Variants in ADCY3 observed in about 807,000 individuals in gnomAD.
ADCY3 encodes adenylate cyclase 3, also known as adenylate cyclase type 3.
ADCY3 carries 70 observed loss-of-function variants against 119.4 expected under a neutral mutation model. That is an observed-to-expected ratio of 0.59 (90% CI 0.48 to 0.72). The LOEUF is 0.72. ADCY3 is among the 30% of genes least tolerant of loss of function. ADCY3 has a pLI of 0.00. For synonymous variants in ADCY3, 672 were observed against 621.4 expected (o/e 1.08, Z -1.21); for missense variants, 1,238 against 1,541.6 (o/e 0.80, Z 3.30).
In ADCY3 at chr2:24,820,010, CAAG is replaced by C. The variant is rs750852737; in HGVS notation, c.3354_3356del (p.Phe1118del). 1.4e-5 allele frequency: 22 copies of C among 1,612,542 alleles called. No homozygotes were observed. The highest frequency in any genetic ancestry group is 2.2e-5 in the South Asian group (2 of 90,978). ...AGGTGGCTAGCTTATCCCGCCCCTTCAAGAAGAAGGTCAGCAGCTCCCCCTTCC... is the reference window on the plus strand; with the variant it reads ...AGGTGGCTAGCTTATCCCGCCCCTTCAAGAAGGTCAGCAGCTCCCCCTTCC... On this transcript the variant is annotated inframe_deletion, in exon 22 of 22. Transcript: ENST00000679454.
Position 24,826,490 on chromosome 2 carries a change from C to T in ADCY3, c.2496-364G>A, listed in dbSNP as rs111681525. The stretch of plus-strand genomic sequence containing the variant: ...GTGATGGGATTTCATAGCCATGGGA[C>T]TGGGGTACAATCTCACCATGGCTTT... On this transcript the variant is annotated intron_variant, in intron 15 of 21. Coordinates refer to ENST00000679454, the MANE Select transcript of ADCY3 (RefSeq NM_004036.5). 763 of 205,436 alleles carry T rather than the reference C, an allele frequency of 3.7e-3. 7 individuals are homozygous for T. Among genetic ancestry groups the T allele is most frequent in the African/African-American group, 0.016 (683 of 43,202 alleles). The allele number at this position is 205,436 out of a possible 1,614,324, so 12.7% of individuals were successfully genotyped here.
At chr2:24,894,744 T>C (rs1351063397) in intron 2 of ADCY3, among the ~76,000 whole-genome samples, 2 of 151,864 alleles carry the variant, frequency 1.3e-5, no homozygotes, top group African/African-American at 2.4e-5. Context: ...TCTAGTATCA[T>C]TTTTCTTCTG....
chr2:24,850,622 A>G (rs899170951), intron 3 of ADCY3, among the ~76,000 whole-genome samples: 13 of 152,320 alleles, frequency 8.5e-5, no homozygotes, highest in African/African-American at 2.9e-4. Flanking sequence ...CAAACCTTTG[A>G]CCCATTAATA....
intron 2 of ADCY3, among the ~76,000 whole-genome samples, chr2:24,897,262 TCTCCTC>T (rs953391188): frequency 2.0e-5 from 3 of 148,476 alleles, no homozygotes; most frequent in Non-Finnish European, 4.5e-5. Context: ...TCCTCCCCCT[TCTCCTC>T]CTCCTCCTCC....
rs547689553 is a variant in ADCY3, at chr2:24,891,624, C to T, written c.676-18905G>A. Among the ~76,000 whole-genome samples, 5 of 152,190 alleles carry T rather than the reference C, an allele frequency of 3.3e-5. No homozygotes were observed. In the South Asian group the frequency reaches 8.3e-4, roughly 25 times the overall value. ...AAGGAAAGATCATACGTTGAGGTGG[C>T]GAAGATCTAGGGTAAGAGCAAATCT... On this transcript the variant is annotated intron_variant, in intron 2 of 21. Coordinates refer to ENST00000679454, the MANE Select transcript of ADCY3 (RefSeq NM_004036.5).
Position 24,824,372 on chromosome 2 carries a change from C to T in ADCY3, c.2736+6G>A. The T allele has an allele frequency of 2.5e-6, 4 of 1,613,934 alleles. No individual in the cohort carries two copies. The highest frequency in any genetic ancestry group is 3.4e-6 in the Non-Finnish European group (4 of 1,179,854). ...CATGGTTCCGGGCTGAGACCACACC[C>T]CTCACCTCATCTCTCTTCTTGGACC... On this transcript the variant is annotated splice_donor_region_variant and intron_variant, in intron 17 of 21. Transcript: ENST00000679454.
chr2:24,846,578 ATTTTTT>A (rs111318790), intron 3 of ADCY3, among the ~76,000 whole-genome samples: 1 of 139,280 alleles, frequency 7.2e-6, no homozygotes, highest in Admixed American at 7.2e-5. Context: ...TTTGCTTTTG[ATTTTTT>A]TTTTTTTTTT....
At chr2:24,895,612 TTC>T (rs1313140585) in intron 2 of ADCY3, among the ~76,000 whole-genome samples, 4 of 151,944 alleles carry the variant, frequency 2.6e-5, no homozygotes, top group South Asian at 4.2e-4. Context: ...TCAATGTTTT[TTC>T]TTTCTTTCTT....
intron 11 of ADCY3, among the ~76,000 whole-genome samples, 194 bp from the exon 12 acceptor site, chr2:24,831,943 C>T (rs1478403115): frequency 8.8e-6 from 1 of 113,130 alleles, no homozygotes; most frequent in African/African-American, 3.6e-5. Flanking sequence ...GGCCAGGGGA[C>T]AGCAGACAGG....
At position 24,841,396 on chromosome 2, in the gene ADCY3, G is replaced by A. The variant is rs753332076; in HGVS notation, c.1069-10C>T. ...GCAGCTGGTGGTATTTCTGAAAGGG[G>A]AGGGCCTGGCCTGTGCTCCAGCCCC... On this transcript the variant is annotated splice_polypyrimidine_tract_variant and intron_variant, in intron 5 of 21. Coordinates refer to ENST00000679454, the MANE Select transcript of ADCY3 (RefSeq NM_004036.5). The surrounding 1 kb of genome is among the most constrained non-coding windows in gnomAD (Gnocchi z 5.8). The A allele has an allele frequency of 7.4e-6, 12 of 1,610,788 alleles. No homozygotes were observed. In the East Asian group the frequency reaches 2.5e-4, roughly 33 times the overall value.
At chr2:24,822,307 A>AG in intron 19 of ADCY3, 1 of 652,126 alleles carries the variant, frequency 1.5e-6, no homozygotes, top group Non-Finnish European at 2.5e-6. Context: ...TGTGAACAGC[A>AG]GGGGGTTGTG....
intron 3 of ADCY3, among the ~76,000 whole-genome samples, chr2:24,871,477 C>T (rs746755265): frequency 1.3e-5 from 2 of 152,226 alleles, no homozygotes; most frequent in Admixed American, 6.5e-5. Context: ...ACAGTGGAAT[C>T]GGAGGCCCAT....
Position 24,918,492 on chromosome 2 carries a change from T to C in ADCY3, c.496A>G (p.Ser166Gly). The C allele has an allele frequency of 6.2e-7, 1 of 1,614,014 alleles. No individual in the cohort carries two copies. The highest frequency in any genetic ancestry group is 8.5e-7 in the Non-Finnish European group (1 of 1,179,992). Reference protein sequence around the residue: ...GLNFARAHAASDTVGWQVFFV... With the variant: ...GLNFARAHAAGDTVGWQVFFV... ...AAGACCTGCCAGCCCACCGTGTCAC[T>C]AGCCGCGTGGGCACGCGCGAAGTTC... The change falls in exon 2 of 22, where the codon AGT (serine) becomes GGT (glycine). Residue 166 changes from serine to glycine, a missense_variant. By Grantham distance (56) the Ser-to-Gly change is moderately conservative. Around this residue, in one of 7 missense-constraint regions of ADCY3, gnomAD observed 227 missense variants for 249.3 expected, o/e 0.91. Coordinates refer to ENST00000679454, the MANE Select transcript of ADCY3 (RefSeq NM_004036.5). The surrounding 1 kb of genome is among the most constrained non-coding windows in gnomAD (Gnocchi z 5.4).
rs571692788 is a variant in ADCY3 at position 24,897,083 on chromosome 2, C to T, written c.675+21230G>A. On this transcript the variant is annotated intron_variant, in intron 2 of 21. Coordinates refer to ENST00000679454, the MANE Select transcript of ADCY3 (RefSeq NM_004036.5). ...GGAAGCAGAAGTCTCATCATCTTTT[C>T]GCAAGATGACATCATGGTAGATCAG... Among the ~76,000 whole-genome samples the T allele has an allele frequency of 6.6e-5, 10 of 152,268 alleles. No homozygotes were observed. In the South Asian group the frequency reaches 8.3e-4, roughly 13 times the overall value.
chr2:24,866,772 A>G (rs946193702), intron 3 of ADCY3, among the ~76,000 whole-genome samples: 1 of 152,124 alleles, frequency 6.6e-6, no homozygotes, highest in Non-Finnish European at 1.5e-5. Flanking sequence ...AAATTCTAGG[A>G]CAGAAAAATA....
chr2:24,819,882 A>C lies in ADCY3; in HGVS notation c.*50T>G. ...GAAGGTCGGGACTTCCTTCAGTTTCAAAAAATAAATTCTCCCTTCCGGTTT... is the reference window on the plus strand; with the variant it reads ...GAAGGTCGGGACTTCCTTCAGTTTCCAAAAATAAATTCTCCCTTCCGGTTT... On this transcript the variant is annotated 3_prime_UTR_variant, in exon 22 of 22. Transcript: ENST00000679454. 6.3e-7 allele frequency: 1 copy of C among 1,584,600 alleles called. No homozygotes were observed. The highest frequency in any genetic ancestry group is 1.4e-5 in the African/African-American group (1 of 72,620).
chr2:24,909,922 C>A (rs1400205565), intron 2 of ADCY3, among the ~76,000 whole-genome samples: 2 of 152,196 alleles, frequency 1.3e-5, no homozygotes, highest in Non-Finnish European at 2.9e-5. Context: ...ATGAGCCTAA[C>A]CTTTAAAAAC....
At chr2:24,891,626 A>G (rs1677670367) in intron 2 of ADCY3, among the ~76,000 whole-genome samples, 1 of 152,252 alleles carries the variant, frequency 6.6e-6, no homozygotes, top group Non-Finnish European at 1.5e-5. Context: ...TGAGGTGGCG[A>G]AGATCTAGGG....
At chr2:24,916,302 T>A (rs1235297826) in intron 2 of ADCY3, among the ~76,000 whole-genome samples, 3 of 152,246 alleles carry the variant, frequency 2.0e-5, no homozygotes, top group African/African-American at 7.2e-5. Flanking sequence ...TCCTTTTCCC[T>A]GGAAGCTCCA....
Sources: gnomAD v4.1 joint callset for allele counts (sites outside exome capture counted in the v4.1 genomes callset) on GRCh38, gnomAD v4.1.1 for gene constraint, gnomAD v4.1.1 regional missense constraint, Gnocchi (gnomAD v3.1) non-coding constraint, MANE v1.5 for transcripts, NCBI Gene and HGNC (gene_info 2026-07-23, HGNC 2026-07-21) for gene names.